FGF12: variants seen among roughly 807,000 people sequenced by gnomAD.
The protein encoded by FGF12 is fibroblast growth factor 12.
In FGF12, 14 loss-of-function variants were observed where a neutral mutation model predicts 23.6. The observed-to-expected ratio is 0.59, with a 90% CI of 0.39 to 0.93. The LOEUF (loss-of-function observed/expected upper bound fraction) is 0.93. FGF12 is among the 40% of genes least tolerant of loss of function. The pLI is 0.00. For missense variants in FGF12, 175 were observed against 217.8 expected, an observed-to-expected ratio of 0.80 and a Z score of 1.24; for synonymous variants, 62 against 77.3, an observed-to-expected ratio of 0.80 and a Z score of 1.04.
chr3:192,443,231 C>T (rs1413027421), intron 2 of FGF12, among the ~76,000 whole-genome samples: 1 of 152,194 alleles, frequency 6.6e-6, no homozygotes, highest in Non-Finnish European at 1.5e-5. Flanking sequence ...TATCCATCCT[C>T]TTTGGAAAAT....
At chr3:192,414,117 G>T (rs911374129) in intron 2 of FGF12, among the ~76,000 whole-genome samples, 2 of 152,134 alleles carry the variant, frequency 1.3e-5, no homozygotes, top group African/African-American at 4.8e-5. Flanking sequence ...TAGATGAAGG[G>T]TGGTATCATT....
chr3:192,185,066 A>G (rs779741820), intron 4 of FGF12, among the ~76,000 whole-genome samples: 3 of 152,254 alleles, frequency 2.0e-5, no homozygotes, highest in Admixed American at 6.5e-5. Context: ...GCAAATCCAA[A>G]TCTCTCCTGG....
At chr3:192,318,299 A>G (rs1349648433) in intron 4 of FGF12, among the ~76,000 whole-genome samples, 1 of 152,232 alleles carries the variant, frequency 6.6e-6, no homozygotes, top group Admixed American at 6.5e-5. Flanking sequence ...AGAATTCAAA[A>G]TAATTGTTTT....
chr3:192,420,022 G>A (rs1044682713), intron 2 of FGF12, among the ~76,000 whole-genome samples: 11 of 152,128 alleles, frequency 7.2e-5, no homozygotes, highest in Non-Finnish European at 1.3e-4. Flanking sequence ...AGCTCCCCTG[G>A]AAAGGCCAGG....
chr3:192,359,884 A>T (rs1718641091), intron 3 of FGF12, among the ~76,000 whole-genome samples: 1 of 150,540 alleles, frequency 6.6e-6, no homozygotes, highest in Non-Finnish European at 1.5e-5. Context: ...ACCATATGTA[A>T]TTATAATATT....
Position 192,299,692 on chromosome 3 carries a change from A to G in FGF12, c.228+35669T>C, listed in dbSNP as rs150955186. ...GCTGATACATTAAAAATGTTCTATA[A>G]ATTCTTGTTAATTAAATATTACCTG... On this transcript the variant is annotated intron_variant, in intron 4 of 5. Coordinates refer to ENST00000445105, the MANE Select transcript of FGF12 (RefSeq NM_004113.6). Among the ~76,000 whole-genome samples, 451 of 152,252 alleles carry G rather than the reference A, an allele frequency of 3.0e-3. 3 individuals are homozygous for G. Among genetic ancestry groups the G allele is most frequent in the Middle Eastern group, 0.02 (6 of 294 alleles).
Position 192,609,647 on chromosome 3 carries a change from G to T in FGF12, c.13+117534C>A, listed in dbSNP as rs1262076487. Among the ~76,000 whole-genome samples the T allele has an allele frequency of 6.6e-5, 10 of 152,188 alleles. No individual in the cohort carries two copies. In the East Asian group the frequency reaches 1.9e-3, roughly 29 times the overall value. On this transcript the variant is annotated intron_variant, in intron 2 of 5. Coordinates refer to ENST00000445105, the MANE Select transcript of FGF12 (RefSeq NM_004113.6). ...ACAGTTACCGTGTTAGGGGCAAGCTGCTGGGAGCCAAGAACCCGTAAAATA... is the reference window on the plus strand; with the variant it reads ...ACAGTTACCGTGTTAGGGGCAAGCTTCTGGGAGCCAAGAACCCGTAAAATA...
At chr3:192,225,988 A>G (rs866350408) in intron 4 of FGF12, among the ~76,000 whole-genome samples, 1 of 152,132 alleles carries the variant, frequency 6.6e-6, no homozygotes, top group Non-Finnish European at 1.5e-5. Flanking sequence ...TGGGTATGGG[A>G]TTTATTTTGG....
intron 2 of FGF12, among the ~76,000 whole-genome samples, chr3:192,580,171 T>G (rs534956146): frequency 2.6e-5 from 4 of 152,312 alleles, no homozygotes; most frequent in Admixed American, 1.3e-4. Context: ...TATTTGCTTA[T>G]ATACTTACTT....
chr3:192,252,928 C>T (rs903587103), intron 4 of FGF12, among the ~76,000 whole-genome samples: 8 of 152,064 alleles, frequency 5.3e-5, no homozygotes, highest in African/African-American at 1.2e-4. Flanking sequence ...CTGATTTGGT[C>T]TTAATGCCAA....
chr3:192,703,852 T>C (rs574409613), intron 2 of FGF12, among the ~76,000 whole-genome samples: 32 of 152,218 alleles, frequency 2.1e-4, no homozygotes, highest in Non-Finnish European at 4.0e-4. Context: ...CAGGATTGCA[T>C]GACTGTGCCC....
chr3:192,447,883 T>C (rs964847474), intron 2 of FGF12, among the ~76,000 whole-genome samples: 1 of 152,214 alleles, frequency 6.6e-6, no homozygotes, highest in Non-Finnish European at 1.5e-5. Flanking sequence ...AAGTCTCCTA[T>C]ATGTCCCTTC....
intron 2 of FGF12, among the ~76,000 whole-genome samples, chr3:192,554,540 A>C (rs1354087184): frequency 6.6e-6 from 1 of 152,224 alleles, no homozygotes; most frequent in East Asian, 1.9e-4. Flanking sequence ...GCTCTCTAGA[A>C]TATCTAGCTG....
chr3:192,493,185 G>C (rs1022467827), intron 2 of FGF12, among the ~76,000 whole-genome samples: 1 of 152,048 alleles, frequency 6.6e-6, no homozygotes, highest in Non-Finnish European at 1.5e-5. Context: ...TCTAGGTGCT[G>C]AGACTGTGTG....
rs561563716 is a variant in FGF12, at chr3:192,702,771, A to T, written c.13+24410T>A. On this transcript the variant is annotated intron_variant, in intron 2 of 5. Coordinates refer to ENST00000445105, the MANE Select transcript of FGF12 (RefSeq NM_004113.6). ...TGCACCACTGCACTCCAGCCTGAGC[A>T]AGGGAAACAGGGCAAGACTCTGTTA... Among the ~76,000 whole-genome samples, 9 of 152,306 alleles carry T rather than the reference A, an allele frequency of 5.9e-5. No individual in the cohort carries two copies. In the East Asian group the frequency reaches 1.7e-3, roughly 29 times the overall value.
intron 2 of FGF12, among the ~76,000 whole-genome samples, chr3:192,672,475 C>T (rs182468183): frequency 4.0e-5 from 6 of 150,838 alleles, no homozygotes; most frequent in East Asian, 1.9e-4. Context: ...TTCCTGCACA[C>T]GTATTGCCGT....
At chr3:192,495,502 A>G (rs1484177954) in intron 2 of FGF12, among the ~76,000 whole-genome samples, 4 of 152,164 alleles carry the variant, frequency 2.6e-5, no homozygotes, top group Admixed American at 6.6e-5. Flanking sequence ...ATCAATCATA[A>G]AGTGTTTTAG....
rs773015947 is a variant in FGF12 at position 192,408,213 on chromosome 3, G to A, written c.14-47675C>T. ...CTGCCGGATCAAGGAGCTGGCTATC[G>A]CCGCAGCCATAGCTGCTCAGCGAGG... On this transcript the variant is annotated intron_variant, in intron 2 of 5. Coordinates refer to ENST00000445105, the MANE Select transcript of FGF12 (RefSeq NM_004113.6). The surrounding 1 kb of genome is among the most constrained non-coding windows in gnomAD (Gnocchi z 7.3). 1 of 1,602,170 alleles carries A rather than the reference G, an allele frequency of 6.2e-7. No homozygotes were observed.
intron 2 of FGF12, among the ~76,000 whole-genome samples, chr3:192,378,715 T>A (rs1424180190): frequency 6.6e-6 from 1 of 152,124 alleles, no homozygotes; most frequent in African/African-American, 2.4e-5. Flanking sequence ...CACTTTTTTT[T>A]AGGGTCCGGG....
Sources: gnomAD v4.1 joint callset for allele counts (sites outside exome capture counted in the v4.1 genomes callset) on GRCh38, gnomAD v4.1.1 for gene constraint, Gnocchi (gnomAD v3.1) non-coding constraint, MANE v1.5 for transcripts, NCBI Gene and HGNC (gene_info 2026-07-23, HGNC 2026-07-21) for gene names.